The following QSER1 variants were observed in gnomAD, a reference collection of about 807,000 sequenced individuals.
The protein encoded by QSER1 is glutamine and serine-rich protein 1.
In QSER1, 49 loss-of-function variants were observed where a neutral mutation model predicts 158.5. The ratio of observed to expected loss-of-function variants is 0.31; its 90% confidence interval spans 0.25 to 0.39. QSER1 has a LOEUF of 0.39. Among genes scored for constraint, QSER1 ranks in the 10% least tolerant of loss-of-function variants. The pLI is 1.00. For synonymous variants in QSER1, 650 were observed against 715.5 expected (o/e 0.91, Z 1.46); for missense variants, 1,754 against 2,010.3 (o/e 0.87, Z 2.44).
intron 8 of QSER1, among the ~76,000 whole-genome samples, chr11:32,959,552 AG>A (rs1241821220): frequency 6.6e-6 from 1 of 152,166 alleles, no homozygotes; most frequent in Non-Finnish European, 1.5e-5. Context: ...GATGGAGATG[AG>A]GGGACAGTTT....
rs1441839853 is a variant in QSER1, at chr11:32,977,481, A to C, written c.*1007A>C. On this transcript the variant is annotated 3_prime_UTR_variant, in exon 13 of 13. Coordinates refer to ENST00000650167, the MANE Select transcript of QSER1 (RefSeq NM_001076786.3). ...AAAATAAACTTCTTACTAAACTAGC[A>C]CTTGATTAACTTGTTGAGGTAAAAA... 6.6e-6 allele frequency: 1 copy of C among 152,632 alleles called. No individual in the cohort carries two copies. The highest frequency in any genetic ancestry group is 2.4e-5 in the African/African-American group (1 of 41,464). The allele number at this position is 152,632 out of a possible 1,614,324, so 9.5% of individuals were successfully genotyped here.
Position 32,933,692 on chromosome 11 carries a change from A to G in QSER1, c.2434A>G (p.Ile812Val), listed in dbSNP as rs754060050. 6.2e-7 allele frequency: 1 copy of G among 1,613,732 alleles called. No individual in the cohort carries two copies. The highest frequency in any genetic ancestry group is 1.1e-5 in the South Asian group (1 of 90,976). ...TKDLKQQHPLILKVHESKVQE... is the reference protein window; with the variant it reads ...TKDLKQQHPLVLKVHESKVQE... ...AGACTTAAAGCAGCAACATCCTCTC[A>G]TACTTAAGGTGCATGAGTCCAAGGT... The change falls in exon 4 of 13, where the codon ATA (isoleucine) becomes GTA (valine). Residue 812 changes from isoleucine (I) to valine (V), a missense_variant. This residue lies in a region of QSER1 where 1,707 missense variants were observed against 1,919.6 expected (regional missense o/e 0.89). Coordinates refer to ENST00000650167, the MANE Select transcript of QSER1 (RefSeq NM_001076786.3).
intron 1 of QSER1, among the ~76,000 whole-genome samples, chr11:32,898,628 C>T (rs1851587333): frequency 6.6e-6 from 1 of 152,058 alleles, no homozygotes; most frequent in African/African-American, 2.4e-5. Flanking sequence ...ACTCTGCTGC[C>T]TAGGGTGGAG....
rs755335129 is a variant in QSER1, at chr11:32,934,741, T to G, written c.3483T>G (p.Ser1161Arg). 60 of 1,613,730 alleles carry G rather than the reference T, an allele frequency of 3.7e-5. No homozygotes were observed. The highest frequency in any genetic ancestry group is 4.9e-5 in the Non-Finnish European group (58 of 1,179,920). The change falls in exon 4 of 13, where the codon AGT becomes AGG. Residue 1161 changes from serine to arginine, a missense_variant. By Grantham distance (110) the Ser-to-Arg change is moderately radical. Around this residue, in one of 2 missense-constraint regions of QSER1, gnomAD observed 1,707 missense variants for 1,919.6 expected, o/e 0.89. Transcript: ENST00000650167. ...AATTTACCTTAGGGGGTGACGACAG[T>G]GGTGTGTCAATGAACCCAGCTAGGA... ...ESEFTLGGDD[S>R]GVSMNPARSA...
At chr11:32,938,584 C>T (rs1400842974) in intron 4 of QSER1, among the ~76,000 whole-genome samples, 1 of 152,128 alleles carries the variant, frequency 6.6e-6, no homozygotes, top group Non-Finnish European at 1.5e-5. Context: ...TTTCCAAATA[C>T]TTGTAATATT....
intron 10 of QSER1, among the ~76,000 whole-genome samples, chr11:32,970,946 CTTTTTTTT>C (rs776051259): frequency 7.8e-5 from 6 of 76,900 alleles, no homozygotes; most frequent in South Asian, 6.0e-4. Flanking sequence ...AAGCAATTTG[CTTTTTTTT>C]TTTTTTTTTT....
Position 32,932,835 on chromosome 11 carries a change from A to T in QSER1, c.1577A>T (p.Asn526Ile). The change falls in exon 4 of 13, where the codon AAT becomes ATT. Residue 526 changes from asparagine to isoleucine, a missense_variant. Asn to Ile is a moderately radical substitution (Grantham distance 149). Transcript: ENST00000650167. The stretch of plus-strand genomic sequence containing the variant: ...AATCAGACGCTTAATTATTCATCTA[A>T]TCAGCAAGAGGTATTGTCTTCAGTT... ...PENQTLNYSS[N>I]QQEVLSSVTN... 1.2e-6 allele frequency: 2 copies of T among 1,614,034 alleles called. No homozygotes were observed. Among genetic ancestry groups the T allele is most frequent in the Non-Finnish European group, 1.7e-6 (2 of 1,179,962 alleles).
chr11:32,975,502 G>A, intron 12 of QSER1, 159 bp downstream of exon 12: 1 of 1,484,138 alleles, frequency 6.7e-7, no homozygotes, highest in South Asian at 1.2e-5. Context: ...ATTGTTCTGA[G>A]TCTCTCTGCT....
chr11:32,957,125 TTTTTTTTTC>T (rs1852529252), intron 7 of QSER1, among the ~76,000 whole-genome samples: 2 of 147,560 alleles, frequency 1.4e-5, no homozygotes, highest in South Asian at 2.2e-4. Flanking sequence ...CTTTTTTTTC[TTTTTTTTTC>T]TTTTTTTTTT....
At chr11:32,974,798 C>T (rs528971258) in intron 11 of QSER1, among the ~76,000 whole-genome samples, 90 of 152,152 alleles carry the variant, frequency 5.9e-4, no homozygotes, top group African/African-American at 1.2e-3. Context: ...TCAAAAAACA[C>T]GTTGGAAGAA....
chr11:32,938,466 A>ACCTATGGG (rs1449514939), intron 4 of QSER1, among the ~76,000 whole-genome samples: 1 of 152,248 alleles, frequency 6.6e-6, no homozygotes, highest in Non-Finnish European at 1.5e-5. Flanking sequence ...CACAGTCCCA[A>ACCTATGGG]ACAGTTTAAA....
chr11:32,964,934 C>T (rs771477180), intron 8 of QSER1, among the ~76,000 whole-genome samples: 95 of 151,040 alleles, frequency 6.3e-4, no homozygotes, highest in Admixed American at 2.5e-3. Flanking sequence ...CTATATTGAC[C>T]AGGCTGGTCT....
chr11:32,958,158 G>T, intron 8 of QSER1, 72 bp downstream of exon 8: 1 of 1,178,800 alleles, frequency 8.5e-7, no homozygotes, highest in South Asian at 1.4e-5. Flanking sequence ...GCAGGATGCT[G>T]ACAATTCAAA....
At chr11:32,958,732 G>A (rs1852569542) in intron 8 of QSER1, among the ~76,000 whole-genome samples, 1 of 152,060 alleles carries the variant, frequency 6.6e-6, no homozygotes, top group Non-Finnish European at 1.5e-5. Context: ...GAATAACTAA[G>A]CCTAGGAAAG....
intron 1 of QSER1, among the ~76,000 whole-genome samples, chr11:32,900,420 A>G (rs1248097334): frequency 6.6e-6 from 1 of 152,104 alleles, no homozygotes; most frequent in Non-Finnish European, 1.5e-5. Context: ...TCAGCTGGGC[A>G]TGGTGGCAGG....
At position 32,973,437 on chromosome 11, in the gene QSER1, G is replaced by A. The variant is rs562229910; in HGVS notation, c.5246G>A (p.Arg1749Gln). 3.8e-5 allele frequency: 61 copies of A among 1,613,540 alleles called. No individual in the cohort carries two copies. The highest frequency in any genetic ancestry group is 6.7e-5 in the Admixed American group (4 of 59,938). ...TTTCCTGAACTAACAATAATTACTC[G>A]AGATTCTAAAGCAAAGAGTGGAGGA... ...ESFPELTIIT[R>Q]DSKAKSGGTA... is the part of the protein sequence containing the mutation. The change falls in exon 11 of 13, where the codon CGA (arginine) becomes CAA (glutamine). Residue 1749 changes from arginine (R) to glutamine (Q), a missense_variant. By Grantham distance (43) the Arg-to-Gln change is conservative. Around this residue, in one of 2 missense-constraint regions of QSER1, gnomAD observed 1,707 missense variants for 1,919.6 expected, o/e 0.89. Coordinates refer to ENST00000650167, the MANE Select transcript of QSER1 (RefSeq NM_001076786.3).
In QSER1 at chr11:32,934,151, C is replaced by T; in HGVS notation, c.2893C>T (p.Pro965Ser). Residue 965 changes from proline (P) to serine (S), a missense_variant, in exon 4 of 13, where the codon CCA becomes TCA. This residue lies in a region of QSER1 where 1,707 missense variants were observed against 1,919.6 expected (regional missense o/e 0.89). Transcript: ENST00000650167. ...QFVSLGSMCF[P>S]EAVLLSDERN... is the part of the protein sequence containing the mutation. Reference sequence around the variant, plus strand: ...TGTTTCTCTTGGATCGATGTGTTTCCCAGAGGCAGTGCTTCTTAGTGATGA... The same window carrying T: ...TGTTTCTCTTGGATCGATGTGTTTCTCAGAGGCAGTGCTTCTTAGTGATGA... 1 of 1,613,988 alleles carries T rather than the reference C, an allele frequency of 6.2e-7. No homozygotes were observed. Among genetic ancestry groups the T allele is most frequent in the Admixed American group, 1.7e-5 (1 of 59,986 alleles).
intron 4 of QSER1, among the ~76,000 whole-genome samples, chr11:32,947,123 A>G (rs1442596387): frequency 3.9e-5 from 6 of 152,162 alleles, no homozygotes; most frequent in Admixed American, 3.3e-4. Context: ...ACCTGCACCC[A>G]CTGTCTGGCA....
intron 1 of QSER1, among the ~76,000 whole-genome samples, chr11:32,912,118 A>C (rs1851774211): frequency 6.6e-6 from 1 of 152,170 alleles, no homozygotes; most frequent in African/African-American, 2.4e-5. Flanking sequence ...AACGATCCCC[A>C]ATTTTTTATT....
Sources: allele counts gnomAD v4.1 joint callset (sites outside exome capture counted in the v4.1 genomes callset), GRCh38; gene constraint gnomAD v4.1.1; regional missense constraint gnomAD v4.1.1; transcripts MANE v1.5; gene names NCBI Gene and HGNC (gene_info 2026-07-23, HGNC 2026-07-21).